KCNQ3: variants seen among roughly 807,000 people sequenced by gnomAD.
KCNQ3 encodes the protein potassium voltage-gated channel subfamily KQT member 3.
In KCNQ3, 30 loss-of-function variants were observed where a neutral mutation model predicts 92.5. The ratio of observed to expected loss-of-function variants is 0.32; its 90% confidence interval spans 0.24 to 0.44. The LOEUF (loss-of-function observed/expected upper bound fraction) is 0.44, where lower values mean the gene tolerates loss of function less well. Among genes scored for constraint, KCNQ3 ranks in the 20% least tolerant of loss-of-function variants. The probability of loss-of-function intolerance (pLI) is 1.00; values close to 1 mark genes in which losing one functional copy is unlikely to be tolerated. For missense variants in KCNQ3, 913 were observed against 1,140.3 expected (o/e 0.80, Z 2.87); for synonymous variants, 450 against 468.8 (o/e 0.96, Z 0.52).
At chr8:132,168,715 ATATGTGTGTGTGTGTGTGTGTG>A (rs1191606701) in intron 8 of KCNQ3, among the ~76,000 whole-genome samples, 71 of 134,524 alleles carry the variant, frequency 5.3e-4, no homozygotes, top group Middle Eastern at 3.9e-3. Context: ...AGGATAATGA[ATATGTGTGTGTGTGTGTGTGTG>A]TGTGTGTGTG....
chr8:132,418,283 G>C (rs1486882298), intron 1 of KCNQ3, among the ~76,000 whole-genome samples: 1 of 152,204 alleles, frequency 6.6e-6, no homozygotes, highest in Non-Finnish European at 1.5e-5. Flanking sequence ...CCAGCAAGAA[G>C]GGATCTGTGA....
chr8:132,337,314 G>C (rs1818390932), intron 1 of KCNQ3, among the ~76,000 whole-genome samples: 1 of 152,090 alleles, frequency 6.6e-6, no homozygotes, highest in South Asian at 2.1e-4. Context: ...TAAAGTGAGA[G>C]CAATAAACCC....
intron 1 of KCNQ3, among the ~76,000 whole-genome samples, chr8:132,340,492 G>A (rs763084597): frequency 6.6e-5 from 10 of 152,050 alleles, no homozygotes; most frequent in East Asian, 3.9e-4. Flanking sequence ...GCCATCATTC[G>A]CAGCAAACTA....
intron 9 of KCNQ3, among the ~76,000 whole-genome samples, chr8:132,150,021 T>G (rs1825586868): frequency 6.6e-6 from 1 of 151,806 alleles, no homozygotes; most frequent in African/African-American, 2.4e-5. Flanking sequence ...AACACAGCCC[T>G]GGATTTAACC....
chr8:132,479,457 C>A (rs887416416), intron 1 of KCNQ3, among the ~76,000 whole-genome samples: 11 of 152,132 alleles, frequency 7.2e-5, no homozygotes, highest in Non-Finnish European at 1.5e-4. Context: ...CACCTCCTGG[C>A]TCTGTGAAGC....
At chr8:132,375,710 A>G (rs1306217619) in intron 1 of KCNQ3, among the ~76,000 whole-genome samples, 1 of 151,880 alleles carries the variant, frequency 6.6e-6, no homozygotes, top group East Asian at 1.9e-4. Context: ...ATTCCCACCC[A>G]TGTGTCTTTG....
intron 1 of KCNQ3, among the ~76,000 whole-genome samples, chr8:132,312,414 C>G (rs904912384): frequency 1.3e-5 from 2 of 152,088 alleles, no homozygotes; most frequent in African/African-American, 2.4e-5. Context: ...CTATGACAGA[C>G]TATGTCTGGG....
At chr8:132,153,242 G>C (rs916627256) in intron 9 of KCNQ3, among the ~76,000 whole-genome samples, 1 of 152,144 alleles carries the variant, frequency 6.6e-6, no homozygotes, top group African/African-American at 2.4e-5. Flanking sequence ...AATAAATAGA[G>C]TGCCCCTAAC....
chr8:132,228,783 C>T (rs1304909128), intron 1 of KCNQ3, among the ~76,000 whole-genome samples: 3 of 148,906 alleles, frequency 2.0e-5, no homozygotes, highest in African/African-American at 5.0e-5. Flanking sequence ...AAGAGGCAAG[C>T]GAAGAAAAGG....
chr8:132,299,225 A>T (rs574371008), intron 1 of KCNQ3, among the ~76,000 whole-genome samples: 2 of 151,850 alleles, frequency 1.3e-5, no homozygotes, highest in South Asian at 4.2e-4. Context: ...GCAATGATGC[A>T]ATGCATAATA....
At chr8:132,416,096 G>C (rs1820796293) in intron 1 of KCNQ3, among the ~76,000 whole-genome samples, 1 of 152,218 alleles carries the variant, frequency 6.6e-6, no homozygotes, top group Admixed American at 6.5e-5. Context: ...CACCTTCCAT[G>C]TGTGGGAATG....
intron 9 of KCNQ3, among the ~76,000 whole-genome samples, chr8:132,146,699 TCTCCTCAGC>T (rs1185625545): frequency 6.6e-6 from 1 of 152,116 alleles, no homozygotes; most frequent in Non-Finnish European, 1.5e-5. Context: ...TTCAAGCGAT[TCTCCTCAGC>T]CTCCCGAGTT....
intron 1 of KCNQ3, among the ~76,000 whole-genome samples, chr8:132,307,985 G>A (rs1324572311): frequency 2.6e-5 from 4 of 152,232 alleles, no homozygotes; most frequent in Admixed American, 6.5e-5. Context: ...TCTGGTCCCC[G>A]GAGGATGGCA....
At chr8:132,203,482 A>C (rs1827525816) in intron 1 of KCNQ3, among the ~76,000 whole-genome samples, 1 of 152,204 alleles carries the variant, frequency 6.6e-6, no homozygotes, top group Non-Finnish European at 1.5e-5. Context: ...GGATTCAATA[A>C]AATAATGGAT....
chr8:132,270,398 C>T (rs551659522), intron 1 of KCNQ3, among the ~76,000 whole-genome samples: 2 of 152,322 alleles, frequency 1.3e-5, no homozygotes, highest in South Asian at 2.1e-4. Context: ...TCCTAACATG[C>T]TCATCTAAGG....
At chr8:132,379,755 G>T (rs1461522388) in intron 1 of KCNQ3, among the ~76,000 whole-genome samples, 1 of 152,058 alleles carries the variant, frequency 6.6e-6, no homozygotes, top group Non-Finnish European at 1.5e-5. Context: ...TATTCATCTA[G>T]CTAATTGTTC....
chr8:132,432,893 C>T (rs947319128), intron 1 of KCNQ3, among the ~76,000 whole-genome samples: 2 of 152,136 alleles, frequency 1.3e-5, no homozygotes, highest in Admixed American at 1.3e-4. Flanking sequence ...GAACAAATGC[C>T]CCAGTTCATG....
intron 1 of KCNQ3, among the ~76,000 whole-genome samples, chr8:132,370,635 G>A (rs1231314430): frequency 2.0e-5 from 3 of 152,184 alleles, no homozygotes; most frequent in Non-Finnish European, 2.9e-5. Flanking sequence ...GGGGGAACTC[G>A]TTACACAGTT....
Position 132,129,100 on chromosome 8 carries a change from A to G in KCNQ3, c.*162T>C. On this transcript the variant is annotated 3_prime_UTR_variant, in exon 15 of 15. Transcript: ENST00000388996. The surrounding 1 kb of genome is among the most constrained non-coding windows in gnomAD (Gnocchi z 5.9). ...AGCACTTTGTTGTGGTGACATGGGGAGGAAGAGGCTGTGGGAAGCCCCTGC... is the reference window on the plus strand; with the variant it reads ...AGCACTTTGTTGTGGTGACATGGGGGGGAAGAGGCTGTGGGAAGCCCCTGC... The G allele has an allele frequency of 1.4e-6, 1 of 707,912 alleles. No homozygotes were observed. Among genetic ancestry groups the G allele is most frequent in the Non-Finnish European group, 2.4e-6 (1 of 418,808 alleles). The allele number at this position is 707,912 out of a possible 1,614,324, so 43.9% of individuals were successfully genotyped here.
Sources: gnomAD v4.1 joint callset for allele counts (sites outside exome capture counted in the v4.1 genomes callset) on GRCh38, gnomAD v4.1.1 for gene constraint, Gnocchi (gnomAD v3.1) non-coding constraint, MANE v1.5 for transcripts, NCBI Gene and HGNC (gene_info 2026-07-23, HGNC 2026-07-21) for gene names.